Variants in THSD7B observed in about 807,000 individuals in gnomAD.
THSD7B encodes the protein thrombospondin type 1 domain containing 7B, also known as thrombospondin type-1 domain-containing protein 7B.
Under a neutral mutation model 213.6 loss-of-function variants are expected in THSD7B, and 138 were observed. The ratio of observed to expected loss-of-function variants is 0.65; its 90% CI spans 0.56 to 0.74. The LOEUF (loss-of-function observed/expected upper bound fraction) is 0.74, where lower values mean the gene tolerates loss of function less well. Ranked by LOEUF, THSD7B falls within the 30% of genes least tolerant of loss-of-function variation. The probability of loss-of-function intolerance (pLI) is 0.00; values close to 1 mark genes in which losing one functional copy is unlikely to be tolerated. For missense variants in THSD7B, 1,931 were observed against 1,991.5 expected, an observed-to-expected ratio of 0.97 and a Z score of 0.58; for synonymous variants, 742 against 687.0, an observed-to-expected ratio of 1.08 and a Z score of -1.25.
chr2:137,499,665 A>G (rs1198116379), intron 15 of THSD7B, among the ~76,000 whole-genome samples: 1 of 152,170 alleles, frequency 6.6e-6, no homozygotes, highest in African/African-American at 2.4e-5. Context: ...GTTCTCACCA[A>G]TGGATATGAG....
At chr2:136,825,437 C>T (rs570182486) in intron 1 of THSD7B, among the ~76,000 whole-genome samples, 2 of 152,134 alleles carry the variant, frequency 1.3e-5, no homozygotes, top group Non-Finnish European at 2.9e-5. Flanking sequence ...GGACAGCTTG[C>T]GTTCCTTGGC....
intron 10 of THSD7B, among the ~76,000 whole-genome samples, chr2:137,260,667 A>C (rs1278380963): frequency 6.6e-6 from 1 of 152,194 alleles, no homozygotes; most frequent in Non-Finnish European, 1.5e-5. Flanking sequence ...CTGGAGGCTG[A>C]GGTGAGAGGA....
chr2:137,208,158 A>G (rs6754802), intron 7 of THSD7B, among the ~76,000 whole-genome samples: 90,399 of 151,972 alleles, frequency 0.59, 27,278 homozygotes, highest in South Asian at 0.71. Flanking sequence ...ATGTGTCTAT[A>G]AGTAAGTGTG....
intron 14 of THSD7B, among the ~76,000 whole-genome samples, chr2:137,419,105 A>C (rs1032077665): frequency 1.3e-5 from 2 of 151,662 alleles, no homozygotes; most frequent in African/African-American, 2.4e-5. Context: ...ATGGGTTTTC[A>C]CCATGTTGCC....
rs974550983 is a variant in THSD7B at position 136,847,572 on chromosome 2, C to G, written c.-35-34572C>G. Among the ~76,000 whole-genome samples the G allele has an allele frequency of 2.0e-5, 3 of 152,088 alleles. No homozygotes were observed. In the South Asian group the frequency reaches 6.2e-4, roughly 32 times the overall value. On this transcript the variant is annotated intron_variant, in intron 1 of 27. Coordinates refer to ENST00000409968, the MANE Select transcript of THSD7B (RefSeq NM_001316349.2). ...ATCTGGATTTTTTCATAGACAGAAT[C>G]TATTTCTTTTAAGATACTTCTTTGT...
chr2:137,613,742 A>G (rs528697237), intron 17 of THSD7B, among the ~76,000 whole-genome samples: 1 of 152,278 alleles, frequency 6.6e-6, no homozygotes, highest in East Asian at 1.9e-4. Context: ...ATTGTATTTG[A>G]GGAGTCTTGA....
chr2:136,866,636 G>T (rs1218958133), intron 1 of THSD7B, among the ~76,000 whole-genome samples: 2 of 152,080 alleles, frequency 1.3e-5, no homozygotes, highest in Middle Eastern at 3.2e-3. Context: ...ATTCAGTAAG[G>T]CTTACTTATG....
chr2:137,642,706 G>T, intron 21 of THSD7B, 73 bp downstream of exon 21: 1 of 1,518,100 alleles, frequency 6.6e-7, no homozygotes, highest in Non-Finnish European at 8.9e-7. Context: ...AAACCTATGC[G>T]CTGATGGAAT....
chr2:137,473,698 A>G (rs1688139735), intron 15 of THSD7B, among the ~76,000 whole-genome samples: 1 of 152,176 alleles, frequency 6.6e-6, no homozygotes, highest in African/African-American at 2.4e-5. Flanking sequence ...CCACTCTTCA[A>G]TTGCTTTTAA....
intron 1 of THSD7B, among the ~76,000 whole-genome samples, chr2:136,840,174 T>G (rs1189225681): frequency 6.6e-6 from 1 of 151,986 alleles, no homozygotes; most frequent in Non-Finnish European, 1.5e-5. Flanking sequence ...AGGTTAGGAA[T>G]TTGAGACCAG....
At chr2:137,485,618 G>C (rs1410915934) in intron 15 of THSD7B, among the ~76,000 whole-genome samples, 4 of 152,086 alleles carry the variant, frequency 2.6e-5, no homozygotes, top group Admixed American at 1.3e-4. Flanking sequence ...GCAAGGCAGG[G>C]CAACGTTCAG....
chr2:136,777,861 C>T (rs1047837862), intron 1 of THSD7B, among the ~76,000 whole-genome samples: 5 of 151,908 alleles, frequency 3.3e-5, no homozygotes, highest in Admixed American at 2.6e-4. Flanking sequence ...TGGAAGAAAC[C>T]CTGTTAACTC....
chr2:137,102,490 G>A (rs1688169992), intron 4 of THSD7B, among the ~76,000 whole-genome samples: 1 of 152,130 alleles, frequency 6.6e-6, no homozygotes, highest in African/African-American at 2.4e-5. Flanking sequence ...TCCTCCAACG[G>A]ATCACAACTC....
chr2:136,774,359 A>AGATTT (rs560990570), intron 1 of THSD7B, among the ~76,000 whole-genome samples: 131 of 152,162 alleles, frequency 8.6e-4, no homozygotes, highest in African/African-American at 2.9e-3. Context: ...ATTTTTTGGT[A>AGATTT]GATTTGATTC....
At chr2:136,919,025 A>G (rs1027735670) in intron 2 of THSD7B, among the ~76,000 whole-genome samples, 1 of 152,132 alleles carries the variant, frequency 6.6e-6, no homozygotes, top group Non-Finnish European at 1.5e-5. Context: ...CTCAATTTAG[A>G]ACTCCTTTAA....
intron 2 of THSD7B, among the ~76,000 whole-genome samples, chr2:136,934,568 TTTGTTTAGCAAGAG>T (rs1684688332): frequency 6.6e-6 from 1 of 152,200 alleles, no homozygotes; most frequent in African/African-American, 2.4e-5. Context: ...TTATATTTGT[TTTGTTTAGCAAGAG>T]GTTAGGAAGC....
intron 7 of THSD7B, 121 bp downstream of exon 7, chr2:137,171,059 T>C: frequency 9.0e-7 from 1 of 1,111,040 alleles, no homozygotes; most frequent in South Asian, 1.5e-5. Context: ...TATCCTTGAA[T>C]ATTTATGTTT....
chr2:136,987,531 G>A lies in THSD7B; in HGVS notation c.140-68889G>A, dbSNP rs1241963931. Among the ~76,000 whole-genome samples the A allele has an allele frequency of 2.0e-5, 3 of 152,168 alleles. 1 individual carries two copies. The highest frequency in any genetic ancestry group is 4.1e-4 in the South Asian group (2 of 4,828). ...ACAAGAAGAGAGGGATGAGGTAGCC[G>A]TGGAAGTGGAAAACATGGAGTTAGG... is the stretch of plus-strand genomic sequence containing the variant. On this transcript the variant is annotated intron_variant, in intron 2 of 27. Coordinates refer to ENST00000409968, the MANE Select transcript of THSD7B (RefSeq NM_001316349.2).
At chr2:137,027,701 G>A (rs963711814) in intron 2 of THSD7B, among the ~76,000 whole-genome samples, 1 of 152,148 alleles carries the variant, frequency 6.6e-6, no homozygotes, top group African/African-American at 2.4e-5. Context: ...GGAGCACAGG[G>A]ACTTTTACAC....
Sources: gnomAD v4.1 joint callset for allele counts (sites outside exome capture counted in the v4.1 genomes callset) on GRCh38, gnomAD v4.1.1 for gene constraint, MANE v1.5 for transcripts, NCBI Gene and HGNC (gene_info 2026-07-23, HGNC 2026-07-21) for gene names.